GPR179: variants seen among roughly 807,000 people sequenced by gnomAD.
GPR179 encodes the protein probable G protein-coupled receptor 179.
In GPR179, 52 loss-of-function variants were observed where a neutral mutation model predicts 70.8. The ratio of observed to expected loss-of-function variants is 0.73; its 90% CI spans 0.59 to 0.93. The LOEUF is 0.93. Ranked by LOEUF, GPR179 falls within the 40% of genes least tolerant of loss-of-function variation. GPR179 has a pLI of 0.00. For missense variants in GPR179, 2,734 were observed against 2,966.8 expected (o/e 0.92, Z 1.82); for synonymous variants, 1,123 against 1,169.0 (o/e 0.96, Z 0.80).
rs1010803447 is a variant in GPR179 at position 38,325,510 on chromosome 17, C to T, written c.*955G>A. On this transcript the variant is annotated 3_prime_UTR_variant, in exon 11 of 11. Transcript: ENST00000616987. Reference sequence around the variant, plus strand: ...TCTTGCATCAGAACCAGAGATTCCCCTTGACTCCAGTTGCCTTGACAAAAG... The same window carrying T: ...TCTTGCATCAGAACCAGAGATTCCCTTTGACTCCAGTTGCCTTGACAAAAG... 1 of 152,204 alleles carries T rather than the reference C, an allele frequency of 6.6e-6. No homozygotes were observed. The highest frequency in any genetic ancestry group is 2.4e-5 in the African/African-American group (1 of 41,426). The allele number at this position is 152,204 out of a possible 1,614,324, so 9.4% of individuals were successfully genotyped here.
chr17:38,327,084 G>A lies in GPR179; in HGVS notation c.6485C>T (p.Pro2162Leu). 1.2e-6 allele frequency: 2 copies of A among 1,614,224 alleles called. No homozygotes were observed. Among genetic ancestry groups the A allele is most frequent in the Non-Finnish European group, 1.7e-6 (2 of 1,180,044 alleles). Reference protein sequence around the residue: ...QGEMFLQKAGPGGTEEHFSKA... With the variant: ...QGEMFLQKAGLGGTEEHFSKA... The stretch of plus-strand genomic sequence containing the variant: ...TGAGAAGTGTTCTTCCGTCCCTCCA[G>A]GTCCTGCCTTCTGAAGGAACATCTC... Residue 2162 changes from proline (P) to leucine (L), a missense_variant, in exon 11 of 11, where the codon CCT (proline) becomes CTT (leucine). Pro to Leu is a moderately conservative substitution (Grantham distance 98). Transcript: ENST00000616987.
In GPR179 at chr17:38,339,510, C is replaced by T. The variant is rs886052898; in HGVS notation, c.810G>A (p.Met270Ile). The T allele has an allele frequency of 1.9e-6, 3 of 1,613,744 alleles. No homozygotes were observed. Among genetic ancestry groups the T allele is most frequent in the Non-Finnish European group, 2.5e-6 (3 of 1,179,682 alleles). The change falls in exon 2 of 11, where the codon ATG (methionine) becomes ATA (isoleucine). Residue 270 changes from methionine (M) to isoleucine (I), a missense_variant. Physicochemically the swap from Met to Ile is conservative, Grantham distance 10. Transcript: ENST00000616987. Reference sequence around the variant, plus strand: ...TGTCCACACTCTGGAGATCTACGTCCATCTGCACCTGCCCCCTACGGCAGT... The same window carrying T: ...TGTCCACACTCTGGAGATCTACGTCTATCTGCACCTGCCCCCTACGGCAGT... ...LSPEVRGQVQ[M>I]DVDLQSVDIN...
At chr17:38,337,553 C>T (rs2037416003) in intron 3 of GPR179, 80 bp downstream of exon 3, 1 of 1,254,398 alleles carries the variant, frequency 8.0e-7, no homozygotes, top group African/African-American at 1.5e-5. Flanking sequence ...TCACCCCAAT[C>T]TGGCTTTCTT....
rs765405295 is a variant in GPR179, at chr17:38,328,015, G to A, written c.5554C>T (p.Leu1852Phe). ...GATACGTCTTCTCCCAGGGAAGTGA[G>A]TCTCCCCTTTTCTAGAGCTTTCTCC... ...QREKALEKGR[L>F]TSLGEDVSKG... The change falls in exon 11 of 11, where the codon CTC (leucine) becomes TTC (phenylalanine). Residue 1852 changes from leucine (L) to phenylalanine (F), a missense_variant. Physicochemically the swap from Leu to Phe is conservative, Grantham distance 22 (BLOSUM62 0). Coordinates refer to ENST00000616987, the MANE Select transcript of GPR179 (RefSeq NM_001004334.4). 1 of 1,614,004 alleles carries A rather than the reference G, an allele frequency of 6.2e-7. No homozygotes were observed. The highest frequency in any genetic ancestry group is 8.5e-7 in the Non-Finnish European group (1 of 1,179,954).
In GPR179 at chr17:38,336,136, C is replaced by T. The variant is rs200731298; in HGVS notation, c.1236G>A (p.Trp412Ter). The T allele has an allele frequency of 1.2e-6, 2 of 1,611,482 alleles. No individual in the cohort carries two copies. Among genetic ancestry groups the T allele is most frequent in the Admixed American group, 1.7e-5 (1 of 60,024 alleles). Residue 412 changes from tryptophan (W) to a stop codon, truncating the protein, a stop_gained, in exon 5 of 11, where the codon TGG becomes TGA. Coordinates refer to ENST00000616987, the MANE Select transcript of GPR179 (RefSeq NM_001004334.4). LOFTEE classifies it high-confidence loss of function. ...SYRCRRNKRI[W>*]ASGVVLLETV... The stretch of plus-strand genomic sequence containing the variant: ...TTTCCAGCAGGACCACTCCAGATGC[C>T]CAGATCCTCTGTGAAGCAAGGAGAG...
At chr17:38,331,644 A>G in intron 10 of GPR179, 113 bp from the exon 11 acceptor site, 1 of 1,479,466 alleles carries the variant, frequency 6.8e-7, no homozygotes. Flanking sequence ...TCTTTCCATC[A>G]AGCTGTATCT....
At chr17:38,333,165 C>T (rs2037373756) in intron 10 of GPR179, 86 bp downstream of exon 10, 3 of 1,264,850 alleles carry the variant, frequency 2.4e-6, no homozygotes, top group Non-Finnish European at 3.4e-6. Flanking sequence ...TGCAGTGGCA[C>T]ATAGCCCAGG....
In GPR179 at chr17:38,326,030, G is replaced by C. The variant is rs1473135596; in HGVS notation, c.*435C>G. 6.0e-6 allele frequency: 1 copy of C among 165,686 alleles called. No homozygotes were observed. Among genetic ancestry groups the C allele is most frequent in the African/African-American group, 2.4e-5 (1 of 41,912 alleles). 10.3% of individuals were successfully genotyped at this position (165,686 alleles called of 1,614,324 possible). On this transcript the variant is annotated 3_prime_UTR_variant, in exon 11 of 11. Coordinates refer to ENST00000616987, the MANE Select transcript of GPR179 (RefSeq NM_001004334.4). ...TCCCTACGTTGCCAACACTTTGTAT[G>C]GTTTAGTTTCTTCTCAAAAAATGCT...
Position 38,327,454 on chromosome 17 carries a change from C to G in GPR179, c.6115G>C (p.Gly2039Arg). 1 of 1,614,228 alleles carries G rather than the reference C, an allele frequency of 6.2e-7. No individual in the cohort carries two copies. Among genetic ancestry groups the G allele is most frequent in the Non-Finnish European group, 8.5e-7 (1 of 1,180,044 alleles). The change falls in exon 11 of 11, where the codon GGG (glycine) becomes CGG (arginine). Residue 2039 changes from glycine (G) to arginine (R), a missense_variant. By Grantham distance (125) the Gly-to-Arg change is moderately radical. Transcript: ENST00000616987. ...CTGCCTTTCTCTTCTTGAGAGTCCC[C>G]TTTTCCATCCTGCCTTGACACCCCT... ...VKGVSRQDGK[G>R]DSQEEKGRAP...
In GPR179 at chr17:38,326,412, G is replaced by T; in HGVS notation, c.*53C>A. 7.3e-7 allele frequency: 1 copy of T among 1,361,796 alleles called. No individual in the cohort carries two copies. The allele number at this position is 1,361,796 out of a possible 1,614,324, so 84.4% of individuals were successfully genotyped here. A position where few individuals can be genotyped will look rare whatever the true frequency, so the allele number is the denominator to read the frequency against. On this transcript the variant is annotated 3_prime_UTR_variant, in exon 11 of 11. Coordinates refer to ENST00000616987, the MANE Select transcript of GPR179 (RefSeq NM_001004334.4). ...CTTTGGGAACACCTGGACTTGGAAA[G>T]GGCCTTGGCTCCTGAAAGCTAGCTC... is the stretch of plus-strand genomic sequence containing the variant.
intron 3 of GPR179, 81 bp downstream of exon 3, chr17:38,337,551 AT>A (rs2144273760): frequency 8.1e-7 from 1 of 1,235,708 alleles, no homozygotes; most frequent in East Asian, 2.3e-5. Flanking sequence ...TCTCACCCCA[AT>A]CTGGCTTTCT....
In GPR179 at chr17:38,330,492, C is replaced by T. The variant is rs751002235; in HGVS notation, c.3077G>A (p.Arg1026Gln). Residue 1026 changes from arginine (R) to glutamine (Q), a missense_variant, in exon 11 of 11, where the codon CGA becomes CAA. Transcript: ENST00000616987. ...AGAGAGGGCCCTCCAGAGCCTGGCT[C>T]GAGCTGGGGCAGGGGAGTGGTGGCC... The part of the protein sequence containing the change: ...ERGHHSPAPA[R>Q]ARLWRALSVA... 9.0e-6 allele frequency: 14 copies of T among 1,551,620 alleles called. No individual in the cohort carries two copies. Among genetic ancestry groups the T allele is most frequent in the Middle Eastern group, 1.7e-4 (1 of 5,768 alleles).
At chr17:38,335,411 G>A (rs1236920875) in intron 6 of GPR179, 140 bp from the exon 7 acceptor site, 4 of 810,828 alleles carry the variant, frequency 4.9e-6, no homozygotes, top group Non-Finnish European at 7.9e-6. Context: ...GTGATTTGCT[G>A]CCTTTTGCTA....
chr17:38,326,818 A>G lies in GPR179; in HGVS notation c.6751T>C (p.Ser2251Pro), dbSNP rs2037290800. ...AAAGCCAGGAGGCCAGATTCCTCAG[A>G]TGGGACTCCAGTTTCCTCCCCAGGA... is the stretch of plus-strand genomic sequence containing the variant. ...ICPGEETGVPSEESGLLALTA... is the reference protein window; with the variant it reads ...ICPGEETGVPPEESGLLALTA... Residue 2251 changes from serine to proline, a missense_variant, in exon 11 of 11, where the codon TCT becomes CCT. Transcript: ENST00000616987. 6.2e-7 allele frequency: 1 copy of G among 1,614,196 alleles called. No homozygotes were observed. The highest frequency in any genetic ancestry group is 8.5e-7 in the Non-Finnish European group (1 of 1,180,024).
intron 1 of GPR179, 55 bp from the exon 2 acceptor site, chr17:38,339,580 G>A: frequency 7.9e-7 from 1 of 1,268,944 alleles, no homozygotes; most frequent in Non-Finnish European, 1.2e-6. Flanking sequence ...AAGTGGACGT[G>A]TGTCCCTGGG....
At position 38,341,359 on chromosome 17, in the gene GPR179, G is replaced by A. The variant is rs997967819; in HGVS notation, c.794+1637C>T. On this transcript the variant is annotated intron_variant, in intron 1 of 10. Coordinates refer to ENST00000616987, the MANE Select transcript of GPR179 (RefSeq NM_001004334.4). ...CACACTTCCTCATGCATGTACACAC[G>A]CACACACACAGAGATCAGCTCAGCT... is the stretch of plus-strand genomic sequence containing the variant. Among the ~76,000 whole-genome samples the A allele has an allele frequency of 7.9e-5, 12 of 152,078 alleles. No individual in the cohort carries two copies. In the East Asian group the frequency reaches 1.2e-3, roughly 15 times the overall value.
Position 38,330,753 on chromosome 17 carries a change from GT to G in GPR179, c.2815del (p.Thr939ProfsTer30). On this transcript the variant is annotated frameshift_variant, in exon 11 of 11. Transcript: ENST00000616987. LOFTEE classifies it low-confidence loss of function (END_TRUNC). ...GCCCCCAGACAGGGCCAAGATGGGG[GT>G]AGAAACCTGGTGCCTGATGGGTGGA... is the stretch of plus-strand genomic sequence containing the variant. ...PHPPIRHQVS[T>X]PILALSGGLG... is the part of the protein sequence containing the mutation. 2 of 1,588,694 alleles carry G rather than the reference GT, an allele frequency of 1.3e-6. No homozygotes were observed. The highest frequency in any genetic ancestry group is 1.7e-6 in the Non-Finnish European group (2 of 1,165,140).
Position 38,328,975 on chromosome 17 carries a change from G to A in GPR179, c.4594C>T (p.Gln1532Ter). The change falls in exon 11 of 11, where the codon CAG becomes TAG. Residue 1532 changes from glutamine to a stop codon, truncating the protein, a stop_gained. Coordinates refer to ENST00000616987, the MANE Select transcript of GPR179 (RefSeq NM_001004334.4). LOFTEE classifies it low-confidence loss of function (END_TRUNC). Reference protein sequence around the residue: ...VKAVQKLSQQQESVCPRESTV... With the variant: ...VKAVQKLSQQ ...CTCTCCCTGGGACAAACTGACTCCT[G>A]CTGTTGACTTAATTTCTGCACTGCT... The A allele has an allele frequency of 6.2e-7, 1 of 1,614,092 alleles. No individual in the cohort carries two copies.
chr17:38,335,941 G>C, intron 5 of GPR179, 135 bp downstream of exon 5: 1 of 760,150 alleles, frequency 1.3e-6, no homozygotes, highest in South Asian at 1.5e-5. Context: ...TGCCATTTGT[G>C]GGTAAGAGTA....
Sources: allele counts gnomAD v4.1 joint callset (sites outside exome capture counted in the v4.1 genomes callset), GRCh38; gene constraint gnomAD v4.1.1; transcripts MANE v1.5; gene names NCBI Gene and HGNC (gene_info 2026-07-23, HGNC 2026-07-21).